The following SYCP1 variants were observed in gnomAD, a reference collection of about 807,000 sequenced individuals.
The protein encoded by SYCP1 is synaptonemal complex protein 1, also known as cancer/testis antigen 8.
A neutral mutation model predicts 153.1 loss-of-function variants in SYCP1; 64 were observed. That is an observed-to-expected ratio of 0.42 (90% CI 0.34 to 0.51). SYCP1 has a LOEUF of 0.51. SYCP1 is among the 20% of genes least tolerant of loss of function. The pLI is 0.06. For missense variants in SYCP1, 997 were observed against 1,049.0 expected, an observed-to-expected ratio of 0.95 and a Z score of 0.68; for synonymous variants, 384 against 341.8, an observed-to-expected ratio of 1.12 and a Z score of -1.36.
intron 9 of SYCP1, among the ~76,000 whole-genome samples, chr1:114,874,945 T>C (rs571066845): frequency 6.6e-6 from 1 of 152,318 alleles, no homozygotes; most frequent in Non-Finnish European, 1.5e-5. Flanking sequence ...TAGTCACTCT[T>C]TTATGTTTCT....
chr1:114,872,237 G>A (rs911938412), intron 8 of SYCP1, among the ~76,000 whole-genome samples: 2 of 151,940 alleles, frequency 1.3e-5, no homozygotes, highest in Non-Finnish European at 2.9e-5. Context: ...TGGAAGGCAG[G>A]TCTGCTGGCA....
intron 27 of SYCP1, among the ~76,000 whole-genome samples, chr1:114,950,841 A>G (rs893956810): frequency 4.1e-4 from 42 of 103,312 alleles, no homozygotes; most frequent in African/African-American, 1.1e-3. Context: ...TTTTTGAGAC[A>G]GAGTCTCACG....
chr1:114,903,822 C>G (rs992430459), intron 16 of SYCP1, among the ~76,000 whole-genome samples: 1 of 152,120 alleles, frequency 6.6e-6, no homozygotes, highest in African/African-American at 2.4e-5. Context: ...TGTAGGATGA[C>G]ATTACCATTT....
rs1057335372 is a variant in SYCP1 at position 114,926,174 on chromosome 1, A to G, written c.1801-104A>G. The G allele has an allele frequency of 1.7e-5, 14 of 824,908 alleles. 1 individual carries two copies. The highest frequency in any genetic ancestry group is 2.1e-5 in the Non-Finnish European group (13 of 610,586). 51.1% of individuals were successfully genotyped at this position (824,908 alleles called of 1,614,324 possible). ...ATTAATGGAATTACCATGATTTTGA[A>G]GTGACCTTTATCAGTACTTTATGCA... is the stretch of plus-strand genomic sequence containing the variant. On this transcript the variant is annotated intron_variant, in intron 21 of 31. Transcript: ENST00000369522.
intron 15 of SYCP1, among the ~76,000 whole-genome samples, chr1:114,889,054 C>T (rs951904431): frequency 3.3e-5 from 5 of 152,148 alleles, no homozygotes; most frequent in Admixed American, 6.5e-5. Context: ...TTTATGGCTG[C>T]GTAGTATTCC....
intron 27 of SYCP1, among the ~76,000 whole-genome samples, chr1:114,974,346 G>A (rs1672679639): frequency 6.6e-6 from 1 of 151,790 alleles, no homozygotes; most frequent in African/African-American, 2.4e-5. Context: ...CTTTGTTATT[G>A]TGATAAAAAC....
At chr1:114,902,230 T>G (rs1570734502) in intron 16 of SYCP1, among the ~76,000 whole-genome samples, 1 of 152,172 alleles carries the variant, frequency 6.6e-6, no homozygotes, top group East Asian at 1.9e-4. Flanking sequence ...GGGGTACAGT[T>G]TCCTCTATCC....
chr1:114,892,221 T>G (rs1477627093), intron 15 of SYCP1, among the ~76,000 whole-genome samples: 1 of 152,068 alleles, frequency 6.6e-6, no homozygotes. Context: ...TGTTTATAGG[T>G]GCTGGCTCTG....
At position 114,944,927 on chromosome 1, in the gene SYCP1, A is replaced by G; in HGVS notation, c.2099A>G (p.Asp700Gly). ...DEAVKLQKEI[D>G]KRCQHKIAEM... is the part of the protein sequence containing the mutation. ...GCAGTAAAATTACAGAAAGAAATTG[A>G]TAAGCGATGTCAACATAAAATAGCT... Residue 700 changes from aspartate to glycine, a missense_variant, in exon 25 of 32, where the codon GAT becomes GGT. This residue lies in a region of SYCP1 where 712 missense variants were observed against 682.9 expected (regional missense o/e 1.04). Transcript: ENST00000369522. 10 of 1,606,350 alleles carry G rather than the reference A, an allele frequency of 6.2e-6. No homozygotes were observed. The highest frequency in any genetic ancestry group is 1.7e-5 in the Admixed American group (1 of 58,702).
intron 9 of SYCP1, 74 bp from the exon 10 acceptor site, chr1:114,875,995 T>C (rs1014916798): frequency 2.1e-5 from 19 of 921,122 alleles, no homozygotes; most frequent in Non-Finnish European, 2.9e-5. Context: ...GATACAAATT[T>C]GGTAATATTT....
chr1:114,875,679 A>C (rs979172883), intron 9 of SYCP1, among the ~76,000 whole-genome samples: 3 of 152,250 alleles, frequency 2.0e-5, no homozygotes, highest in African/African-American at 7.2e-5. Flanking sequence ...CCGAATGAAC[A>C]CATGCTGCCA....
At chr1:114,955,765 T>TG (rs1231201099) in intron 27 of SYCP1, among the ~76,000 whole-genome samples, 2 of 152,110 alleles carry the variant, frequency 1.3e-5, no homozygotes, top group African/African-American at 4.8e-5. Flanking sequence ...TGACAGCACT[T>TG]GGAGGGTCAT....
chr1:114,881,501 A>ATCCTTCCTTCCTTCCTTCCTTCCT (rs71093615), intron 12 of SYCP1, among the ~76,000 whole-genome samples: 1,310 of 102,716 alleles, frequency 0.013, 30 homozygotes, highest in Middle Eastern at 0.042. Context: ...GGAAGGTATT[A>ATCCTTCCTTCCTTCCTTCCTTCCT]TCCTTCCTTC....
At position 114,858,582 on chromosome 1, in the gene SYCP1, G is replaced by A. The variant is rs200888614; in HGVS notation, c.327G>A (p.Leu109=). The change falls in exon 6 of 32, where the codon CTG becomes CTA. Residue 109 remains leucine, a synonymous_variant. Coordinates refer to ENST00000369522, the MANE Select transcript of SYCP1 (RefSeq NM_003176.4). ...SEGLSRVYSK[L]YKEAEKIKKW... is the part of the protein sequence containing the mutation. ...GATTGAGCAGAGTGTATTCAAAACT[G>A]TATAAGGAGGCTGAAAAGATAAAAA... The A allele has an allele frequency of 3.8e-5, 61 of 1,612,096 alleles. No individual in the cohort carries two copies. The East Asian group carries it at 1.2e-3, about 31-fold the overall frequency.
chr1:114,965,125 A>G (rs1424462287), intron 27 of SYCP1, among the ~76,000 whole-genome samples: 3 of 152,156 alleles, frequency 2.0e-5, no homozygotes, highest in Admixed American at 1.3e-4. Context: ...CTTTGTAGCA[A>G]TTGTGAATGG....
intron 27 of SYCP1, among the ~76,000 whole-genome samples, chr1:114,961,976 C>CTTTT (rs562251009): frequency 2.4e-5 from 3 of 124,412 alleles, no homozygotes; most frequent in South Asian, 2.5e-4. Context: ...TGCCATCTAT[C>CTTTT]TTTTTTTTTT....
chr1:114,935,974 C>G (rs992503853), intron 23 of SYCP1, among the ~76,000 whole-genome samples: 1 of 152,138 alleles, frequency 6.6e-6, no homozygotes, highest in African/African-American at 2.4e-5. Context: ...ACCAGAGGTA[C>G]AAACAGAAGC....
At chr1:114,860,874 A>C in intron 8 of SYCP1, 65 bp downstream of exon 8, 2 of 1,244,036 alleles carry the variant, frequency 1.6e-6, no homozygotes, top group South Asian at 3.2e-5. Flanking sequence ...TGGAGAGGGA[A>C]AGAAATTGTC....
rs554089403 is a variant in SYCP1, at chr1:114,970,648, C to T, written c.2323-6909C>T. 7.9e-5 allele frequency among the ~76,000 whole-genome samples: 12 copies of T among 152,226 alleles called. 1 individual carries two copies. Among genetic ancestry groups the T allele is most frequent in the Admixed American group, 5.2e-4 (8 of 15,274 alleles). ...CCTCTTCCCCTAGGGATGGGGCTTC[C>T]TGAGAGCATGACTGCAGTGATTGTT... On this transcript the variant is annotated intron_variant, in intron 27 of 31. Coordinates refer to ENST00000369522, the MANE Select transcript of SYCP1 (RefSeq NM_003176.4).
Sources: gnomAD v4.1 joint callset for allele counts (sites outside exome capture counted in the v4.1 genomes callset) on GRCh38, gnomAD v4.1.1 for gene constraint, gnomAD v4.1.1 regional missense constraint, MANE v1.5 for transcripts, NCBI Gene and HGNC (gene_info 2026-07-23, HGNC 2026-07-21) for gene names.